The following CTNND1 variants were observed in gnomAD, a reference collection of about 807,000 sequenced individuals.
CTNND1 encodes the protein catenin delta-1.
CTNND1 carries 16 observed loss-of-function variants against 112.1 expected under a neutral mutation model. The ratio of observed to expected loss-of-function variants is 0.14; its 90% CI spans 0.10 to 0.22. CTNND1 has a LOEUF of 0.22. Ranked by LOEUF, CTNND1 falls within the 10% of genes least tolerant of loss-of-function variation. The pLI, the probability that CTNND1 is intolerant of heterozygous loss-of-function variation, is 1.00. For synonymous variants in CTNND1, 420 were observed against 446.5 expected (o/e 0.94, Z 0.75); for missense variants, 1,008 against 1,257.0 (o/e 0.80, Z 3.00).
intron 18 of CTNND1, among the ~76,000 whole-genome samples, chr11:57,815,120 G>T (rs1158823428): frequency 6.6e-6 from 1 of 152,114 alleles, no homozygotes; most frequent in African/African-American, 2.4e-5. Context: ...TAGAGATGGG[G>T]TTTCACCATG....
intron 1 of CTNND1, among the ~76,000 whole-genome samples, chr11:57,787,844 A>G (rs2060292682): frequency 6.6e-6 from 1 of 152,210 alleles, no homozygotes; most frequent in Non-Finnish European, 1.5e-5. Context: ...AGCTGTGAAG[A>G]TGGTGGAAGC....
In CTNND1 at chr11:57,817,129, T is replaced by C. The variant is rs2064029618; in HGVS notation, c.*821T>C. On this transcript the variant is annotated 3_prime_UTR_variant, in exon 21 of 21. Transcript: ENST00000399050. ...AAGGGGAGAATGTCAAGGAAGACTT[T>C]TGGTAGAGAAGGAGCAGAAAGATGT... 1 of 152,954 alleles carries C rather than the reference T, an allele frequency of 6.5e-6. No individual in the cohort carries two copies. Among genetic ancestry groups the C allele is most frequent in the African/African-American group, 2.4e-5 (1 of 41,472 alleles). The allele number at this position is 152,954 out of a possible 1,614,324, so 9.5% of individuals were successfully genotyped here.
chr11:57,781,287 C>T (rs1443610203), intron 1 of CTNND1, among the ~76,000 whole-genome samples: 1 of 152,050 alleles, frequency 6.6e-6, no homozygotes, highest in Non-Finnish European at 1.5e-5. Context: ...GTTGGGTGAC[C>T]CCTAGTAAAC....
intron 9 of CTNND1, 147 bp from the exon 10 acceptor site, chr11:57,805,735 G>T (rs2062591041): frequency 2.4e-6 from 2 of 848,322 alleles, no homozygotes; most frequent in Admixed American, 5.7e-5. Flanking sequence ...AAGAAGCCTG[G>T]AGCACTTAAG....
chr11:57,806,969 C>T lies in CTNND1; in HGVS notation c.1949C>T (p.Thr650Met), dbSNP rs201906477. Residue 650 changes from threonine to methionine, a missense_variant, in exon 12 of 21, where the codon ACG becomes ATG. Transcript: ENST00000399050. The part of the protein sequence containing the change: ...ANDTVDFPKR[T>M]SPARGYELLF... ...GATACAGTGGATTTCCCTAAAAGAA[C>T]GAGTCCAGCTCGAGGTAAGTTATCT... The T allele has an allele frequency of 3.7e-4, 593 of 1,599,346 alleles. No homozygotes were observed. Among genetic ancestry groups the T allele is most frequent in the Admixed American group, 5.5e-4 (32 of 57,790 alleles).
In CTNND1 at chr11:57,803,658, A is replaced by G; in HGVS notation, c.1458A>G (p.Lys486=). ...LWNLSSHDSI[K]MEIVDHALHA... is the part of the protein sequence containing the mutation. ...ATCTTTCATCCCATGACTCAATCAA[A>G]ATGGAGATTGTGGACCATGCACTGC... The change falls in exon 8 of 21, where the codon AAA becomes AAG. Residue 486 remains lysine, a synonymous_variant. Transcript: ENST00000399050. 8 of 1,612,620 alleles carry G rather than the reference A, an allele frequency of 5.0e-6. No individual in the cohort carries two copies. The highest frequency in any genetic ancestry group is 1.7e-4 in the Middle Eastern group (1 of 6,060).
chr11:57,802,295 T>C, intron 7 of CTNND1, 99 bp downstream of exon 7: 1 of 1,088,760 alleles, frequency 9.2e-7, no homozygotes. Context: ...TGATGAAAGG[T>C]TGTGAACTGG....
At chr11:57,771,124 G>T (rs938285887) in intron 1 of CTNND1, among the ~76,000 whole-genome samples, 2 of 151,478 alleles carry the variant, frequency 1.3e-5, no homozygotes, top group Admixed American at 6.6e-5. Context: ...TATAGAAAAA[G>T]AAAAGAAAGT....
intron 7 of CTNND1, among the ~76,000 whole-genome samples, chr11:57,803,078 C>T (rs1293105160): frequency 2.6e-5 from 4 of 152,128 alleles, no homozygotes; most frequent in Admixed American, 2.6e-4. Flanking sequence ...CTGGTATAGA[C>T]AGATCGGAGA....
In CTNND1 at chr11:57,804,773, A is replaced by T; in HGVS notation, c.1715A>T (p.Asp572Val). ...GCTGAGATTGGGCAGAAGGATTCAGACAGCAAGGTAAGTGCTGTCTTACCT... is the reference window on the plus strand; with the variant it reads ...GCTGAGATTGGGCAGAAGGATTCAGTCAGCAAGGTAAGTGCTGTCTTACCT... ...VQAEIGQKDS[D>V]SKLVENCVCL... is the part of the protein sequence containing the mutation. The change falls in exon 9 of 21, where the codon GAC becomes GTC. Residue 572 changes from aspartate (D) to valine (V), a missense_variant. Around this residue, in one of 5 missense-constraint regions of CTNND1, gnomAD observed 216 missense variants for 342.8 expected, o/e 0.63. Transcript: ENST00000399050. 6.2e-7 allele frequency: 1 copy of T among 1,612,284 alleles called. No individual in the cohort carries two copies. Among genetic ancestry groups the T allele is most frequent in the Non-Finnish European group, 8.5e-7 (1 of 1,178,540 alleles).
chr11:57,803,531 G>A (rs766081513), intron 7 of CTNND1, 90 bp from the exon 8 acceptor site: 56 of 991,814 alleles, frequency 5.6e-5, no homozygotes, highest in Non-Finnish European at 7.6e-5. Context: ...GGAAGACTGA[G>A]AAGTGATACG....
chr11:57,778,086 C>T (rs1353519747), intron 1 of CTNND1, among the ~76,000 whole-genome samples: 1 of 152,120 alleles, frequency 6.6e-6, no homozygotes, highest in Non-Finnish European at 1.5e-5. Flanking sequence ...CTGTCTTGAC[C>T]TCTTTGCCGC....
intron 1 of CTNND1, among the ~76,000 whole-genome samples, chr11:57,776,019 A>G (rs1954138116): frequency 6.6e-6 from 1 of 152,214 alleles, no homozygotes. Context: ...ACTGAAACTC[A>G]TTTGACACGG....
chr11:57,767,248 A>T (rs1951344908), intron 1 of CTNND1, among the ~76,000 whole-genome samples: 1 of 152,116 alleles, frequency 6.6e-6, no homozygotes, highest in Non-Finnish European at 1.5e-5. Context: ...GTCTTGAGCC[A>T]CTGCGCCCGG....
chr11:57,773,126 C>T (rs1591207219), intron 1 of CTNND1, among the ~76,000 whole-genome samples: 1 of 56,034 alleles, frequency 1.8e-5, no homozygotes, highest in African/African-American at 7.3e-5. Flanking sequence ...ATATGTATTA[C>T]TTCATCATAT....
chr11:57,806,430 C>T, intron 10 of CTNND1, 31 bp from the exon 11 acceptor site: 1 of 1,588,458 alleles, frequency 6.3e-7, no homozygotes, highest in Non-Finnish European at 8.6e-7. Context: ...TTTCTCTTCT[C>T]TGCTTTCTAC....
intron 1 of CTNND1, among the ~76,000 whole-genome samples, chr11:57,782,297 A>G (rs2059662582): frequency 6.6e-6 from 1 of 152,208 alleles, no homozygotes; most frequent in Admixed American, 6.5e-5. Context: ...TTCATCAGAG[A>G]GATTCCTGGT....
chr11:57,778,212 CTTTG>C (rs771683499), intron 1 of CTNND1, among the ~76,000 whole-genome samples: 2 of 151,928 alleles, frequency 1.3e-5, no homozygotes, highest in Non-Finnish European at 2.9e-5. Context: ...AGTCCGCTGC[CTTTG>C]TTTGTTCTCT....
In CTNND1 at chr11:57,802,163, G is replaced by C; in HGVS notation, c.1387G>C (p.Ala463Pro). 6.2e-7 allele frequency: 1 copy of C among 1,613,700 alleles called. No individual in the cohort carries two copies. Among genetic ancestry groups the C allele is most frequent in the Non-Finnish European group, 8.5e-7 (1 of 1,179,740 alleles). ...VPALVRLLRK[A>P]RDMDLTEVIT... ...TGCCCTTGTGCGATTGCTTCGAAAGGCTCGTGATATGGACCTTACTGAAGT... is the reference window on the plus strand; with the variant it reads ...TGCCCTTGTGCGATTGCTTCGAAAGCCTCGTGATATGGACCTTACTGAAGT... The change falls in exon 7 of 21, where the codon GCT becomes CCT. Residue 463 changes from alanine to proline, a missense_variant. Coordinates refer to ENST00000399050, the MANE Select transcript of CTNND1 (RefSeq NM_001085458.2).
Sources: allele counts gnomAD v4.1 joint callset (sites outside exome capture counted in the v4.1 genomes callset), GRCh38; gene constraint gnomAD v4.1.1; regional missense constraint gnomAD v4.1.1; transcripts MANE v1.5; gene names NCBI Gene and HGNC (gene_info 2026-07-23, HGNC 2026-07-21).